NREP: variants seen among roughly 807,000 people sequenced by gnomAD.
NREP encodes the protein neuronal regeneration-related protein.
A neutral mutation model predicts 8.6 loss-of-function variants in NREP; 5 were observed. That is an observed-to-expected ratio of 0.58 (90% CI 0.30 to 1.22). The LOEUF is 1.22. NREP is among the 50% of genes most tolerant of loss of function. NREP has a pLI of 0.07. For synonymous variants in NREP, 27 were observed against 28.0 expected, an observed-to-expected ratio of 0.96 and a Z score of 0.11; for missense variants, 86 against 82.5, an observed-to-expected ratio of 1.04 and a Z score of -0.17.
At chr5:111,881,506 G>C (rs961028943) in intron 2 of NREP, among the ~76,000 whole-genome samples, 3 of 152,186 alleles carry the variant, frequency 2.0e-5, no homozygotes, top group Non-Finnish European at 4.4e-5. Flanking sequence ...CTGGAGATCT[G>C]AGAATGGGCA....
At chr5:111,849,270 A>T (rs992927431) in intron 2 of NREP, among the ~76,000 whole-genome samples, 1 of 152,110 alleles carries the variant, frequency 6.6e-6, no homozygotes, top group Admixed American at 6.6e-5. Context: ...AGAAGAGGGA[A>T]CAGGGGATGC....
rs569978095 is a variant in NREP, at chr5:111,763,408, G to A, written c.136-27901C>T. The stretch of plus-strand genomic sequence containing the variant: ...TTTAAAAGATAAAGGACAAATGTAA[G>A]ATGTGAGGAACTTTTGAAAATTATG... On this transcript the variant is annotated intron_variant, in intron 2 of 3. Transcript: ENST00000395634. Among the ~76,000 whole-genome samples the A allele has an allele frequency of 5.3e-5, 8 of 152,356 alleles. No individual in the cohort carries two copies. The East Asian group carries it at 1.5e-3, about 29-fold the overall frequency.
chr5:111,888,039 T>C lies in NREP; in HGVS notation c.135+87235A>G, dbSNP rs75430498. Among the ~76,000 whole-genome samples, 1,218 of 152,286 alleles carry C rather than the reference T, an allele frequency of 8.0e-3. 13 individuals carry two copies. Among genetic ancestry groups the C allele is most frequent in the African/African-American group, 0.027 (1,138 of 41,556 alleles). ...CTTACATGGAACAGCTGTTGTAGTA[T>C]TGAAGGAAAACAATGACCTTAGAAT... is the stretch of plus-strand genomic sequence containing the variant. On this transcript the variant is annotated intron_variant, in intron 2 of 3. Coordinates refer to the NREP transcript ENST00000395634.
intron 2 of NREP, among the ~76,000 whole-genome samples, chr5:111,926,301 C>T (rs1183784535): frequency 1.3e-5 from 2 of 152,018 alleles, no homozygotes; most frequent in Non-Finnish European, 2.9e-5. Context: ...ACAAGAGGAG[C>T]TGAGACACTT....
intron 2 of NREP, among the ~76,000 whole-genome samples, chr5:111,932,026 T>G (rs1467070753): frequency 6.6e-6 from 1 of 150,566 alleles, no homozygotes; most frequent in Non-Finnish European, 1.5e-5. Context: ...GTATCCTGAA[T>G]GATACTAACT....
At chr5:111,861,920 AAAATG>A (rs57961709) in intron 2 of NREP, among the ~76,000 whole-genome samples, 2,214 of 152,292 alleles carry the variant, frequency 0.015, 39 homozygotes, top group African/African-American at 0.038. Flanking sequence ...TATCAAGTAA[AAAATG>A]AAATGAAATG....
At chr5:111,802,293 A>G (rs1454909351) in intron 2 of NREP, among the ~76,000 whole-genome samples, 1 of 151,834 alleles carries the variant, frequency 6.6e-6, no homozygotes, top group South Asian at 2.1e-4. Flanking sequence ...GAAGGTGTCA[A>G]ATACACTGTT....
At chr5:111,773,398 T>C in intron 2 of NREP, among the ~76,000 whole-genome samples, 1 of 152,210 alleles carries the variant, frequency 6.6e-6, no homozygotes, top group East Asian at 1.9e-4. Flanking sequence ...AAGAAAATAG[T>C]GGTCACACAG....
Position 111,927,905 on chromosome 5 carries a change from T to G in NREP, c.135+47369A>C, listed in dbSNP as rs1755433952. Among the ~76,000 whole-genome samples the G allele has an allele frequency of 2.0e-5, 3 of 152,154 alleles. No homozygotes were observed. The South Asian group carries it at 6.2e-4, about 32-fold the overall frequency. On this transcript the variant is annotated intron_variant, in intron 2 of 3. Coordinates refer to the NREP transcript ENST00000395634. Reference sequence around the variant, plus strand: ...TGGCAATACAAACTTCTAAATCAATTGAGATCCACCTCACTCTCTTTTTGG... The same window carrying G: ...TGGCAATACAAACTTCTAAATCAATGGAGATCCACCTCACTCTCTTTTTGG...
intron 2 of NREP, among the ~76,000 whole-genome samples, chr5:111,899,881 C>G (rs191397639): frequency 6.6e-6 from 1 of 152,262 alleles, no homozygotes. Flanking sequence ...ACTTCAACAT[C>G]CCACTTTCAG....
At chr5:111,737,096 C>T (rs1749193457) in intron 2 of NREP, among the ~76,000 whole-genome samples, 1 of 152,262 alleles carries the variant, frequency 6.6e-6, no homozygotes, top group South Asian at 2.1e-4. Context: ...TCCCCTCACC[C>T]CAACCACCTT....
intron 2 of NREP, among the ~76,000 whole-genome samples, chr5:111,784,623 A>T (rs901852321): frequency 1.3e-5 from 2 of 152,154 alleles, no homozygotes; most frequent in Non-Finnish European, 2.9e-5. Context: ...TTTCAAACAT[A>T]TTTTAACAAG....
At chr5:111,950,816 C>T (rs1581245206) in intron 2 of NREP, among the ~76,000 whole-genome samples, 1 of 152,024 alleles carries the variant, frequency 6.6e-6, no homozygotes, top group East Asian at 1.9e-4. Flanking sequence ...CTCATCATCA[C>T]CCTAGGGACT....
chr5:111,976,445 C>T (rs913946615), intron 1 of NREP, among the ~76,000 whole-genome samples: 2 of 152,236 alleles, frequency 1.3e-5, no homozygotes, highest in Admixed American at 6.5e-5. Context: ...TCCTTGGAAG[C>T]AGGAACCTCC....
intron 2 of NREP, among the ~76,000 whole-genome samples, chr5:111,966,083 T>C (rs1756636783): frequency 1.3e-5 from 2 of 152,176 alleles, no homozygotes; most frequent in African/African-American, 4.8e-5. Flanking sequence ...CTAGCAGAAC[T>C]TTGTGTCCCT....
At chr5:111,785,736 T>C (rs1751594001) in intron 2 of NREP, among the ~76,000 whole-genome samples, 1 of 152,110 alleles carries the variant, frequency 6.6e-6, no homozygotes, top group African/African-American at 2.4e-5. Flanking sequence ...AGTTAGTATG[T>C]TTTATTAGAT....
intron 2 of NREP, among the ~76,000 whole-genome samples, chr5:111,748,776 A>G (rs1750172227): frequency 1.3e-5 from 2 of 152,170 alleles, no homozygotes; most frequent in Non-Finnish European, 2.9e-5. Flanking sequence ...AAGGCATCAC[A>G]GCCTCAACTG....
chr5:111,758,225 A>C (rs1337570002), upstream of NREP: 1 of 985,354 alleles, frequency 1.0e-6, no homozygotes, highest in East Asian at 1.1e-4. Context: ...GCGTGCACAC[A>C]CACACGTGCA....
chr5:111,922,528 C>G (rs1755273287), intron 2 of NREP, among the ~76,000 whole-genome samples: 1 of 152,156 alleles, frequency 6.6e-6, no homozygotes, highest in Non-Finnish European at 1.5e-5. Context: ...TGCCAGTCCT[C>G]CCCTGGATAA....
Sources: gnomAD v4.1 joint callset for allele counts (sites outside exome capture counted in the v4.1 genomes callset) on GRCh38, gnomAD v4.1.1 for gene constraint, MANE v1.5 for transcripts, NCBI Gene and HGNC (gene_info 2026-07-23, HGNC 2026-07-21) for gene names.